Variants in C4A observed in about 807,000 individuals in gnomAD.
C4A encodes complement C4-A.
Under a neutral mutation model 45.7 loss-of-function variants are expected in C4A, and 12 were observed. The observed-to-expected ratio is 0.26, with a 90% CI of 0.17 to 0.43. C4A has a LOEUF of 0.43. Ranked by LOEUF, C4A falls within the 20% of genes least tolerant of loss-of-function variation. The probability of loss-of-function intolerance (pLI) is 1.00; values close to 1 mark genes in which losing one functional copy is unlikely to be tolerated. For missense variants in C4A, 127 were observed against 534.4 expected (o/e 0.24, Z 7.52); for synonymous variants, 66 against 230.7 (o/e 0.29, Z 6.47).
chr6:31,995,898 G>C lies in C4A; in HGVS notation c.3231-57G>C, dbSNP rs1774418361. 7 of 1,522,436 alleles carry C rather than the reference G, an allele frequency of 4.6e-6. 1 individual carries two copies. The highest frequency in any genetic ancestry group is 6.3e-6 in the Non-Finnish European group (7 of 1,107,170). The allele number at this position is 1,522,436 out of a possible 1,614,324, so 94.3% of individuals were successfully genotyped here. ...AGGGTGGATAACCAGGCACCTGGGGGCGTGGGCATAATGAGAAGCAAGTCC... is the reference window on the plus strand; with the variant it reads ...AGGGTGGATAACCAGGCACCTGGGGCCGTGGGCATAATGAGAAGCAAGTCC... On this transcript the variant is annotated intron_variant, in intron 25 of 40. Transcript: ENST00000428956.
chr6:31,996,395 C>A lies in C4A; in HGVS notation c.3505-34C>A. The A allele has an allele frequency of 4.4e-6, 7 of 1,586,078 alleles. 1 individual carries two copies. The highest frequency in any genetic ancestry group is 4.3e-6 in the Non-Finnish European group (5 of 1,157,288). ...CCTTTTTCCTCAGGAACCCAGGGGT[C>A]CAGGCCCAAGACCCTCCTCCCGTTT... On this transcript the variant is annotated intron_variant, in intron 27 of 40. Transcript: ENST00000428956.
Position 31,997,139 on chromosome 6 carries a change from C to T in C4A, c.3910-5C>T. ...CTTGCTTGAGTCCTGGCTCAACCTCCCTAGGACACGGTGATTGCCCTGGAT... is the reference window on the plus strand; with the variant it reads ...CTTGCTTGAGTCCTGGCTCAACCTCTCTAGGACACGGTGATTGCCCTGGAT... On this transcript the variant is annotated splice_region_variant and splice_polypyrimidine_tract_variant and intron_variant, in intron 29 of 40. Transcript: ENST00000428956. 1 of 600,786 alleles carries T rather than the reference C, an allele frequency of 1.7e-6. No individual in the cohort carries two copies. Among genetic ancestry groups the T allele is most frequent in the South Asian group, 2.0e-5 (1 of 49,486 alleles). The allele number at this position is 600,786 out of a possible 1,614,324, so 37.2% of individuals were successfully genotyped here.
rs759121287 is a variant in C4A, at chr6:31,996,498, G to A, written c.3574G>A (p.Ala1192Thr). The stretch of plus-strand genomic sequence containing the variant: ...AAGTGCTGGGCTCCTGGGTGCCCAC[G>A]CAGCTGCCATCACGGCCTATGCCCT... ...KASAGLLGAH[A>T]AAITAYALTL... The change falls in exon 28 of 41, where the codon GCA (alanine) becomes ACA (threonine). Residue 1192 changes from alanine to threonine, a missense_variant. Physicochemically the swap from Ala to Thr is moderately conservative, Grantham distance 58. Transcript: ENST00000428956. 5 of 1,588,502 alleles carry A rather than the reference G, an allele frequency of 3.1e-6. No individual in the cohort carries two copies. Among genetic ancestry groups the A allele is most frequent in the Admixed American group, 3.3e-5 (2 of 59,798 alleles).
rs749922095 is a variant in C4A at position 31,996,150 on chromosome 6, G to A, written c.3387+39G>A. On this transcript the variant is annotated intron_variant, in intron 26 of 40. Transcript: ENST00000428956. Reference sequence around the variant, plus strand: ...GGGGCTGGCCCGAGAAGCGCCTGTCGGAGGACTCTCTTTGCCCCTTCCCCC... The same window carrying A: ...GGGGCTGGCCCGAGAAGCGCCTGTCAGAGGACTCTCTTTGCCCCTTCCCCC... 5.4e-5 allele frequency: 86 copies of A among 1,586,514 alleles called. 6 individuals carry two copies. Among genetic ancestry groups the A allele is most frequent in the Non-Finnish European group, 6.7e-5 (78 of 1,156,334 alleles).
rs143990092 is a variant in C4A, at chr6:31,995,728, G to A, written c.3164G>A (p.Arg1055Gln). ...AVDLIQKGYM[R>Q]IQQFRKADGS... ...ACCTCTCCTCTCCAAGGCTACATGC[G>A]GATCCAGCAGTTTCGGAAGGCGGAT... is the stretch of plus-strand genomic sequence containing the variant. Residue 1055 changes from arginine to glutamine, a missense_variant, in exon 25 of 41, where the codon CGG (arginine) becomes CAG (glutamine). Transcript: ENST00000428956. 18 of 1,573,178 alleles carry A rather than the reference G, an allele frequency of 1.1e-5. No individual in the cohort carries two copies. The highest frequency in any genetic ancestry group is 4.5e-5 in the East Asian group (2 of 44,598).
chr6:31,994,881 TG>T (rs1774379013), intron 21 of C4A, 70 bp from the exon 22 acceptor site: 4 of 850,128 alleles, frequency 4.7e-6, no homozygotes, highest in Non-Finnish European at 7.3e-6. Context: ...CTCAAAGTTC[TG>T]GGGGAGTCTG....
intron 26 of C4A, 33 bp downstream of exon 26, chr6:31,996,144 C>T: frequency 6.3e-7 from 1 of 1,586,928 alleles, no homozygotes; most frequent in Non-Finnish European, 8.6e-7. Context: ...CCGAGAAGCG[C>T]CTGTCGGAGG....
chr6:31,996,530 G>T lies in C4A; in HGVS notation c.3606G>T (p.Leu1202=). ...AAAITAYALT[L]TKAPVDLLGV... is the part of the protein sequence containing the mutation. ...CCATCACGGCCTATGCCCTGACACT[G>T]ACCAAGGCGCCTGTGGACCTGCTCG... Residue 1202 remains leucine (L), a synonymous_variant, in exon 28 of 41, where the codon CTG becomes CTT. Transcript: ENST00000428956. 6.3e-7 allele frequency: 1 copy of T among 1,586,740 alleles called. No homozygotes were observed. Among genetic ancestry groups the T allele is most frequent in the Non-Finnish European group, 8.6e-7 (1 of 1,156,768 alleles).
Position 31,996,085 on chromosome 6 carries a change from T to C in C4A, c.3361T>C (p.Cys1121Arg). ...QQADGSFQDP[C>R]PVLDRSMQGG... ...GGCTGACGGCTCGTTCCAGGACCCCTGTCCAGTGTTAGACAGGAGCATGCA... is the reference window on the plus strand; with the variant it reads ...GGCTGACGGCTCGTTCCAGGACCCCCGTCCAGTGTTAGACAGGAGCATGCA... The change falls in exon 26 of 41, where the codon TGT becomes CGT. Residue 1121 changes from cysteine (C) to arginine (R), a missense_variant. Transcript: ENST00000428956. 2 of 1,587,646 alleles carry C rather than the reference T, an allele frequency of 1.3e-6. No homozygotes were observed. The highest frequency in any genetic ancestry group is 1.7e-6 in the Non-Finnish European group (2 of 1,156,704).
In C4A at chr6:31,996,538, C is replaced by T. The variant is rs372898480; in HGVS notation, c.3614C>T (p.Ala1205Val). 2.5e-6 allele frequency: 4 copies of T among 1,586,766 alleles called. No homozygotes were observed. Among genetic ancestry groups the T allele is most frequent in the South Asian group, 1.1e-5 (1 of 90,834 alleles). ...ITAYALTLTKAPVDLLGVAHN... is the reference protein window; with the variant it reads ...ITAYALTLTKVPVDLLGVAHN... ...GCCTATGCCCTGACACTGACCAAGG[C>T]GCCTGTGGACCTGCTCGGTGTTGCC... The change falls in exon 28 of 41, where the codon GCG becomes GTG. Residue 1205 changes from alanine (A) to valine (V), a missense_variant. By Grantham distance (64) the Ala-to-Val change is moderately conservative. Coordinates refer to ENST00000428956, the MANE Select transcript of C4A (RefSeq NM_007293.3).
Position 31,996,033 on chromosome 6 carries a change from A to G in C4A, c.3309A>G (p.Thr1103=), listed in dbSNP as rs1482766437. ...VGGSPEKLQE[T]SNWLLSQQQA... ...GCTCGCCTGAGAAACTGCAGGAGACATCTAACTGGCTTCTGTCCCAGCAGC... is the reference window on the plus strand; with the variant it reads ...GCTCGCCTGAGAAACTGCAGGAGACGTCTAACTGGCTTCTGTCCCAGCAGC... Residue 1103 remains threonine, a synonymous_variant, in exon 26 of 41, where the codon ACA becomes ACG. Transcript: ENST00000428956. The G allele has an allele frequency of 3.2e-6, 5 of 1,585,954 alleles. No individual in the cohort carries two copies. The highest frequency in any genetic ancestry group is 2.7e-5 in the African/African-American group (2 of 73,738).
Position 31,996,623 on chromosome 6 carries a change from C to T in C4A, c.3676+23C>T, listed in dbSNP as rs753927647. ...GAGGTGAGGGGTGAGGCGCTCCTGG[C>T]AGTGAGCCTGAGGCCCAGGGGACCT... On this transcript the variant is annotated intron_variant, in intron 28 of 40. Coordinates refer to ENST00000428956, the MANE Select transcript of C4A (RefSeq NM_007293.3). 8 of 1,588,534 alleles carry T rather than the reference C, an allele frequency of 5.0e-6. 2 individuals are homozygous for T. Among genetic ancestry groups the T allele is most frequent in the Admixed American group, 3.3e-5 (2 of 59,824 alleles).
Position 31,996,230 on chromosome 6 carries a change from GA to G in C4A, c.3412del (p.Thr1138LeufsTer8). The G allele has an allele frequency of 6.4e-7, 1 of 1,572,266 alleles. No homozygotes were observed. The highest frequency in any genetic ancestry group is 1.4e-5 in the African/African-American group (1 of 72,406). On this transcript the variant is annotated frameshift_variant, in exon 27 of 41. Transcript: ENST00000428956. LOFTEE classifies it high-confidence loss of function. The part of the protein sequence containing the change: ...MQGGLVGNDE[T>X]VALTAFVTIA... The stretch of plus-strand genomic sequence containing the variant: ...AGGGGGGTTTGGTGGGCAATGATGA[GA>G]CTGTGGCACTCACAGCCTTTGTGAC...
chr6:31,996,168 C>T, intron 26 of C4A, 39 bp from the exon 27 acceptor site: 1 of 1,583,794 alleles, frequency 6.3e-7, no homozygotes, highest in Admixed American at 1.7e-5. Context: ...CTCTTTGCCC[C>T]TTCCCCCTCC....
chr6:31,996,605 G>A lies in C4A; in HGVS notation c.3676+5G>A. 1.3e-6 allele frequency: 2 copies of A among 1,588,920 alleles called. No homozygotes were observed. The highest frequency in any genetic ancestry group is 2.2e-5 in the South Asian group (2 of 90,898). On this transcript the variant is annotated splice_donor_5th_base_variant and intron_variant, in intron 28 of 40. Transcript: ENST00000428956. ...CAATGGCCCAGGAGACTGGAGGTGAGGGGTGAGGCGCTCCTGGCAGTGAGC... is the reference window on the plus strand; with the variant it reads ...CAATGGCCCAGGAGACTGGAGGTGAAGGGTGAGGCGCTCCTGGCAGTGAGC...
chr6:31,996,788 C>T, intron 28 of C4A, 41 bp from the exon 29 acceptor site: 1 of 1,058,138 alleles, frequency 9.5e-7, no homozygotes, highest in Non-Finnish European at 1.4e-6. Flanking sequence ...AGGCTCTTCT[C>T]CCTGCCTTCC....
In C4A at chr6:31,996,119, C is replaced by G; in HGVS notation, c.3387+8C>G. 1 of 1,587,514 alleles carries G rather than the reference C, an allele frequency of 6.3e-7. No homozygotes were observed. Among genetic ancestry groups the G allele is most frequent in the Non-Finnish European group, 8.6e-7 (1 of 1,156,668 alleles). On this transcript the variant is annotated splice_region_variant and intron_variant, in intron 26 of 40. Coordinates refer to ENST00000428956, the MANE Select transcript of C4A (RefSeq NM_007293.3). ...TTAGACAGGAGCATGCAGGTGCGGG[C>G]ATGCTGGGGCTGGCCCGAGAAGCGC...
intron 28 of C4A, 97 bp downstream of exon 28, chr6:31,996,697 G>A (rs1774485242): frequency 1.3e-6 from 2 of 1,547,478 alleles, no homozygotes; most frequent in South Asian, 1.1e-5. Flanking sequence ...AAGACTCAGA[G>A]GAGGAATGAA....
At position 31,994,553 on chromosome 6, in the gene C4A, TGGC is replaced by T; in HGVS notation, c.2649_2651del (p.Ala884del). 1 of 1,582,512 alleles carries T rather than the reference TGGC, an allele frequency of 6.3e-7. No homozygotes were observed. The highest frequency in any genetic ancestry group is 8.7e-7 in the Non-Finnish European group (1 of 1,154,494). The stretch of plus-strand genomic sequence containing the variant: ...CTGTGCCTGGCTGGGGGCGGAGGGC[TGGC>T]CCAGCAGGTGCTGGTGCCTGCGGGC... On this transcript the variant is annotated inframe_deletion, in exon 21 of 41. Transcript: ENST00000428956.
Sources: gnomAD v4.1 joint callset for allele counts on GRCh38, gnomAD v4.1.1 for gene constraint, MANE v1.5 for transcripts, NCBI Gene and HGNC (gene_info 2026-07-23, HGNC 2026-07-21) for gene names.